NELL2: variants seen among roughly 807,000 people sequenced by gnomAD.
NELL2 encodes neural EGFL like 2.
A neutral mutation model predicts 109.6 loss-of-function variants in NELL2; 41 were observed. The ratio of observed to expected loss-of-function variants is 0.37; its 90% CI spans 0.29 to 0.49. The LOEUF (loss-of-function observed/expected upper bound fraction) is 0.49. Ranked by LOEUF, NELL2 falls within the 20% of genes least tolerant of loss-of-function variation. The pLI is 0.98. For missense variants in NELL2, 900 were observed against 1,008.3 expected, an observed-to-expected ratio of 0.89 and a Z score of 1.45; for synonymous variants, 355 against 344.7, an observed-to-expected ratio of 1.03 and a Z score of -0.33.
chr12:44,643,778 G>C (rs73098353), intron 13 of NELL2, among the ~76,000 whole-genome samples: 7,981 of 152,124 alleles, frequency 0.052, 336 homozygotes, highest in Non-Finnish European at 0.073. Flanking sequence ...GAGTTTCTAT[G>C]GATAAATATT....
At chr12:44,606,673 G>A (rs532001672) in intron 15 of NELL2, among the ~76,000 whole-genome samples, 15 of 152,158 alleles carry the variant, frequency 9.9e-5, no homozygotes, top group African/African-American at 3.4e-4. Context: ...GGATCTGAAT[G>A]AGAAATAATT....
intron 15 of NELL2, among the ~76,000 whole-genome samples, chr12:44,560,873 A>G (rs1943445362): frequency 6.6e-6 from 1 of 152,180 alleles, no homozygotes; most frequent in Non-Finnish European, 1.5e-5. Flanking sequence ...CAGAGACACA[A>G]CAAAAAAAGA....
intron 1 of NELL2, among the ~76,000 whole-genome samples, chr12:44,886,503 ATATT>A (rs1945475314): frequency 1.3e-5 from 2 of 151,954 alleles, no homozygotes; most frequent in Admixed American, 1.3e-4. Flanking sequence ...GATAGGCAAA[ATATT>A]TATTTTTTGC....
In NELL2 at chr12:44,640,529, C is replaced by T. The variant is rs565989238; in HGVS notation, c.1444+24955G>A. ...ACTAACAACTCAAAAATTTTAAAATCAATATGCATGTGATCAGTTTTTACA... is the reference window on the plus strand; with the variant it reads ...ACTAACAACTCAAAAATTTTAAAATTAATATGCATGTGATCAGTTTTTACA... On this transcript the variant is annotated intron_variant, in intron 13 of 19. Transcript: ENST00000429094. Among the ~76,000 whole-genome samples the T allele has an allele frequency of 2.0e-5, 3 of 152,266 alleles. No individual in the cohort carries two copies. In the South Asian group the frequency reaches 6.2e-4, roughly 32 times the overall value.
At chr12:44,651,425 C>T (rs1050316994) in intron 13 of NELL2, among the ~76,000 whole-genome samples, 2 of 152,158 alleles carry the variant, frequency 1.3e-5, no homozygotes, top group East Asian at 3.8e-4. Flanking sequence ...CTGTTATACA[C>T]TTTGCAATAA....
intron 9 of NELL2, among the ~76,000 whole-genome samples, chr12:44,753,048 T>C (rs982257169): frequency 6.6e-6 from 1 of 152,116 alleles, no homozygotes; most frequent in African/African-American, 2.4e-5. Context: ...ATGCAGTTCA[T>C]TGAACACAGA....
chr12:44,671,344 T>G (rs180974011), intron 12 of NELL2, among the ~76,000 whole-genome samples: 16 of 152,054 alleles, frequency 1.1e-4, no homozygotes, highest in Admixed American at 1.0e-3. Flanking sequence ...AAAGTAGAAA[T>G]ATTTCAAATA....
At chr12:44,780,210 G>A (rs1294375579) in intron 3 of NELL2, among the ~76,000 whole-genome samples, 188 bp from the exon 4 acceptor site, 1 of 151,952 alleles carries the variant, frequency 6.6e-6, no homozygotes, top group East Asian at 1.9e-4. Context: ...CAGGATCCAA[G>A]GAACAATATG....
intron 15 of NELL2, among the ~76,000 whole-genome samples, chr12:44,600,864 C>T (rs186125773): frequency 7.2e-5 from 11 of 152,148 alleles, no homozygotes; most frequent in Admixed American, 5.9e-4. Flanking sequence ...AAATTTTATA[C>T]AATATGTACA....
chr12:44,815,853 G>A (rs371451672), intron 3 of NELL2, 133 bp downstream of exon 3: 317 of 924,588 alleles, frequency 3.4e-4, no homozygotes, highest in Middle Eastern at 6.9e-4. Flanking sequence ...TCCTGACCTC[G>A]TGATTTGCCC....
At chr12:44,851,078 C>T (rs994951214) in intron 2 of NELL2, among the ~76,000 whole-genome samples, 2 of 152,098 alleles carry the variant, frequency 1.3e-5, no homozygotes, top group African/African-American at 4.8e-5. Context: ...GGCTAGAGTG[C>T]TATACATTTT....
At chr12:44,698,084 T>G (rs1437479483) in intron 12 of NELL2, among the ~76,000 whole-genome samples, 7 of 152,218 alleles carry the variant, frequency 4.6e-5, no homozygotes, top group Admixed American at 2.6e-4. Context: ...CCTATGTGTC[T>G]GTATCCAAAT....
intron 1 of NELL2, among the ~76,000 whole-genome samples, chr12:44,898,144 A>G (rs530980617): frequency 6.6e-6 from 1 of 152,278 alleles, no homozygotes; most frequent in Non-Finnish European, 1.5e-5. Context: ...TCTCCCTGGG[A>G]CAGAGCACCT....
chr12:44,607,971 C>T (rs138830962), intron 14 of NELL2, among the ~76,000 whole-genome samples: 220 of 152,064 alleles, frequency 1.4e-3, no homozygotes, highest in African/African-American at 4.8e-3. Flanking sequence ...ATTGCAAGGG[C>T]GATCTCTTGA....
intron 9 of NELL2, among the ~76,000 whole-genome samples, chr12:44,721,727 C>T (rs1346269966): frequency 6.6e-6 from 1 of 151,656 alleles, no homozygotes; most frequent in African/African-American, 2.4e-5. Context: ...TGATTCTTTT[C>T]ATTATAAACC....
At chr12:44,887,846 C>T (rs768424259) in intron 1 of NELL2, among the ~76,000 whole-genome samples, 1 of 151,924 alleles carries the variant, frequency 6.6e-6, no homozygotes, top group East Asian at 1.9e-4. Context: ...GATGCAATCC[C>T]ATTTGTCTAA....
intron 19 of NELL2, among the ~76,000 whole-genome samples, chr12:44,511,048 A>G (rs926364688): frequency 3.3e-5 from 5 of 152,234 alleles, no homozygotes; most frequent in Non-Finnish European, 5.9e-5. Context: ...ATGTGCAATT[A>G]GCATTAGAAC....
chr12:44,599,508 T>A (rs1425829949), intron 15 of NELL2, among the ~76,000 whole-genome samples: 1 of 152,092 alleles, frequency 6.6e-6, no homozygotes, highest in Non-Finnish European at 1.5e-5. Context: ...ATCTGTACAC[T>A]GGTGGATAGG....
chr12:44,712,344 T>C (rs939822599), intron 10 of NELL2, among the ~76,000 whole-genome samples: 2 of 151,974 alleles, frequency 1.3e-5, no homozygotes, highest in Non-Finnish European at 2.9e-5. Context: ...AATCATAAGC[T>C]CTTGTCAAGA....
Sources: gnomAD v4.1 joint callset for allele counts (sites outside exome capture counted in the v4.1 genomes callset) on GRCh38, gnomAD v4.1.1 for gene constraint, MANE v1.5 for transcripts, NCBI Gene and HGNC (gene_info 2026-07-23, HGNC 2026-07-21) for gene names.